The following ZNF616 variants were observed in gnomAD, a reference collection of about 807,000 sequenced individuals.
ZNF616 encodes zinc finger protein 616.
In ZNF616, 5 loss-of-function variants were observed where a neutral mutation model predicts 7.6. The ratio of observed to expected loss-of-function variants is 0.66; its 90% confidence interval spans 0.34 to 1.38. The LOEUF (loss-of-function observed/expected upper bound fraction) is 1.38. Ranked by LOEUF, ZNF616 falls within the 40% of genes most tolerant of loss-of-function variation. The pLI, the probability that ZNF616 is intolerant of heterozygous loss-of-function variation, is 0.04. For missense variants in ZNF616, 913 were observed against 948.3 expected (o/e 0.96, Z 0.49); for synonymous variants, 319 against 317.2 (o/e 1.01, Z -0.06).
intron 1 of ZNF616, among the ~76,000 whole-genome samples, chr19:52,134,475 C>G (rs997176507): frequency 4.9e-4 from 75 of 152,308 alleles, no homozygotes; most frequent in African/African-American, 1.8e-3. Context: ...GTCAGTAGGT[C>G]AGAAGTATAG....
In ZNF616 at chr19:52,114,371, A is replaced by C. The variant is rs993545171; in HGVS notation, c.*447T>G. ...TGTAAATGTATTAGGTCATAACTGC[A>C]TTGCTACAAAAAAAAACCTGAGGCT... is the stretch of plus-strand genomic sequence containing the variant. On this transcript the variant is annotated 3_prime_UTR_variant, in exon 4 of 4. Coordinates refer to ENST00000600228, the MANE Select transcript of ZNF616 (RefSeq NM_178523.5). 9 of 159,334 alleles carry C rather than the reference A, an allele frequency of 5.6e-5. No individual in the cohort carries two copies. Among genetic ancestry groups the C allele is most frequent in the African/African-American group, 2.2e-4 (9 of 41,502 alleles). 9.9% of individuals were successfully genotyped at this position (159,334 alleles called of 1,614,324 possible).
At position 52,135,969 on chromosome 19, in the gene ZNF616, A is replaced by G. The variant is rs570023421; in HGVS notation, c.-77+3763T>C. ...CACAGTGAAACCCCATCTCTACTAA[A>G]AACACAAAAAATTAGCTGGGCATGG... On this transcript the variant is annotated intron_variant, in intron 1 of 3. Coordinates refer to ENST00000600228, the MANE Select transcript of ZNF616 (RefSeq NM_178523.5). 2.7e-4 allele frequency among the ~76,000 whole-genome samples: 41 copies of G among 151,814 alleles called. 1 individual carries two copies. In the South Asian group the frequency reaches 4.1e-3, roughly 15 times the overall value.
Position 52,115,923 on chromosome 19 carries a change from C to A in ZNF616, c.1241G>T (p.Cys414Phe). 6.2e-7 allele frequency: 1 copy of A among 1,614,212 alleles called. No individual in the cohort carries two copies. Among genetic ancestry groups the A allele is most frequent in the South Asian group, 1.1e-5 (1 of 91,078 alleles). ...TGAACGTTTACTGAAGACCTTGCCA[C>A]ATTCATTGCATTTGCAAGGTTTCTC... ...TVEKPCKCNE[C>F]GKVFSKRSSL... The change falls in exon 4 of 4, where the codon TGT becomes TTT. Residue 414 changes from cysteine (C) to phenylalanine (F), a missense_variant. By Grantham distance (205) the Cys-to-Phe change is radical. Coordinates refer to ENST00000600228, the MANE Select transcript of ZNF616 (RefSeq NM_178523.5).
intron 2 of ZNF616, among the ~76,000 whole-genome samples, chr19:52,127,605 C>T (rs563096833): frequency 9.2e-5 from 14 of 152,162 alleles, no homozygotes; most frequent in South Asian, 2.1e-4. Context: ...AATCACACAG[C>T]GAGCCAGGCC....
rs552496788 is a variant in ZNF616, at chr19:52,123,854, A to G, written c.139+69T>C. The stretch of plus-strand genomic sequence containing the variant: ...CTCAAATAACGGAGGGGTTCCCAAG[A>G]AAGACAACAGAGGAAATACAAAAAT... On this transcript the variant is annotated intron_variant, in intron 3 of 3. Coordinates refer to ENST00000600228, the MANE Select transcript of ZNF616 (RefSeq NM_178523.5). 392 of 1,600,446 alleles carry G rather than the reference A, an allele frequency of 2.4e-4. No homozygotes were observed. The African/African-American group carries it at 5.0e-3, about 20-fold the overall frequency.
chr19:52,117,615 T>C (rs1427943707), intron 3 of ZNF616, among the ~76,000 whole-genome samples: 2 of 152,182 alleles, frequency 1.3e-5, no homozygotes, highest in South Asian at 2.1e-4. Context: ...TTGCATCATA[T>C]GCAAATACAC....
chr19:52,116,329 T>C lies in ZNF616; in HGVS notation c.835A>G (p.Ser279Gly). The C allele has an allele frequency of 6.2e-7, 1 of 1,614,194 alleles. No individual in the cohort carries two copies. The highest frequency in any genetic ancestry group is 1.7e-5 in the Admixed American group (1 of 60,024). The change falls in exon 4 of 4, where the codon AGT (serine) becomes GGT (glycine). Residue 279 changes from serine (S) to glycine (G), a missense_variant. Ser to Gly is a moderately conservative substitution (Grantham distance 56). Transcript: ENST00000600228. ...TGAACTGCAAGGTGGGAACTTTTAC[T>C]AAAGGACTTGCCACATTCATTACAT... The part of the protein sequence containing the change: ...YICNECGKSF[S>G]KSSHLAVHQR...
intron 3 of ZNF616, among the ~76,000 whole-genome samples, chr19:52,120,211 G>A (rs766161251): frequency 6.6e-6 from 1 of 152,166 alleles, no homozygotes; most frequent in Non-Finnish European, 1.5e-5. Flanking sequence ...GACCTGTAAA[G>A]GAGTCATTTT....
chr19:52,128,990 C>G (rs932231768), intron 2 of ZNF616, among the ~76,000 whole-genome samples: 3 of 151,026 alleles, frequency 2.0e-5, no homozygotes, highest in Non-Finnish European at 2.9e-5. Flanking sequence ...ACATTATTTA[C>G]AGGCTGGGTG....
At chr19:52,136,468 G>A (rs897279670) in intron 1 of ZNF616, among the ~76,000 whole-genome samples, 6 of 151,818 alleles carry the variant, frequency 4.0e-5, no homozygotes, top group Non-Finnish European at 8.8e-5. Flanking sequence ...ACATACAAAT[G>A]ACCAACAGGT....
At chr19:52,124,951 G>A (rs2088893371) in intron 2 of ZNF616, among the ~76,000 whole-genome samples, 1 of 152,116 alleles carries the variant, frequency 6.6e-6, no homozygotes, top group Admixed American at 6.6e-5. Context: ...TAGGATAAGC[G>A]TTTTGATATC....
At chr19:52,135,029 A>C (rs1349734058) in intron 1 of ZNF616, among the ~76,000 whole-genome samples, 1 of 152,146 alleles carries the variant, frequency 6.6e-6, no homozygotes, top group Non-Finnish European at 1.5e-5. Flanking sequence ...GTGATATCAT[A>C]TTCTCTGATT....
At chr19:52,136,263 C>T (rs2089007122) in intron 1 of ZNF616, among the ~76,000 whole-genome samples, 1 of 151,798 alleles carries the variant, frequency 6.6e-6, no homozygotes, top group Non-Finnish European at 1.5e-5. Flanking sequence ...GGCAGATCAC[C>T]TGTGGTCAGG....
chr19:52,135,902 G>C (rs768302317), intron 1 of ZNF616, among the ~76,000 whole-genome samples: 12 of 152,034 alleles, frequency 7.9e-5, no homozygotes, highest in Non-Finnish European at 1.3e-4. Context: ...GCCGAGGCAG[G>C]CAGATCTCTT....
intron 1 of ZNF616, among the ~76,000 whole-genome samples, chr19:52,131,651 G>C (rs1306291779): frequency 1.3e-5 from 2 of 152,184 alleles, no homozygotes; most frequent in African/African-American, 2.4e-5. Context: ...GAGGAGGTTG[G>C]CTTCATAAGC....
At chr19:52,128,286 C>T (rs542226730) in intron 2 of ZNF616, among the ~76,000 whole-genome samples, 1 of 151,754 alleles carries the variant, frequency 6.6e-6, no homozygotes, top group South Asian at 2.1e-4. Context: ...ATTCCTTGGA[C>T]TGTGAGGAGG....
Position 52,115,433 on chromosome 19 carries a change from G to C in ZNF616, c.1731C>G (p.Tyr577Ter), listed in dbSNP as rs927251462. 2 of 1,614,034 alleles carry C rather than the reference G, an allele frequency of 1.2e-6. No individual in the cohort carries two copies. Among genetic ancestry groups the C allele is most frequent in the Non-Finnish European group, 1.7e-6 (2 of 1,180,042 alleles). ...AGACCTTGCCGCATTCATTGCATTT[G>C]TAAGGTTTCTCTCCACTATGAATTC... is the stretch of plus-strand genomic sequence containing the variant. Reference protein sequence around the residue: ...HRRIHSGEKPYKCNECGKVYS... With the variant: ...HRRIHSGEKP Residue 577 changes from tyrosine (Y) to a stop codon, truncating the protein, a stop_gained, in exon 4 of 4, where the codon TAC becomes TAG. Coordinates refer to ENST00000600228, the MANE Select transcript of ZNF616 (RefSeq NM_178523.5). LOFTEE classifies it low-confidence loss of function (END_TRUNC).
rs879643490 is a variant in ZNF616, at chr19:52,127,058, AT to A, written c.13-3010del. ...GAAAACACAAACAAAATATGTGGGA[AT>A]TTTTTTTTTTTTTAGAAGACAGAGT... is the stretch of plus-strand genomic sequence containing the variant. On this transcript the variant is annotated intron_variant, in intron 2 of 3. Transcript: ENST00000600228. Among the ~76,000 whole-genome samples the A allele has an allele frequency of 3.2e-3, 472 of 145,320 alleles. 1 individual carries two copies. The highest frequency in any genetic ancestry group is 3.9e-3 in the African/African-American group (157 of 39,974).
At chr19:52,117,164 T>G (rs1273223776) in intron 3 of ZNF616, 140 bp from the exon 4 acceptor site, 1 of 666,774 alleles carries the variant, frequency 1.5e-6, no homozygotes. Flanking sequence ...ATCTTTTATT[T>G]TTAGAAATAC....
Sources: allele counts gnomAD v4.1 joint callset (sites outside exome capture counted in the v4.1 genomes callset), GRCh38; gene constraint gnomAD v4.1.1; transcripts MANE v1.5; gene names NCBI Gene and HGNC (gene_info 2026-07-23, HGNC 2026-07-21).